Variants in FARS2 observed in about 807,000 individuals in gnomAD.
FARS2 encodes phenylalanyl-tRNA synthetase 2, mitochondrial.
FARS2 carries 40 observed loss-of-function variants against 46.4 expected under a neutral mutation model. That is an observed-to-expected ratio of 0.86 (90% CI 0.67 to 1.12). The LOEUF (loss-of-function observed/expected upper bound fraction) is 1.12, where lower values mean the gene tolerates loss of function less well. FARS2 is among the 50% of genes most tolerant of loss of function. The probability of loss-of-function intolerance (pLI) is 0.00; values close to 1 mark genes in which losing one functional copy is unlikely to be tolerated. For missense variants in FARS2, 513 were observed against 567.9 expected, an observed-to-expected ratio of 0.90 and a Z score of 0.98; for synonymous variants, 234 against 214.9, an observed-to-expected ratio of 1.09 and a Z score of -0.78.
At chr6:5,460,546 T>C (rs1765185639) in intron 4 of FARS2, among the ~76,000 whole-genome samples, 1 of 151,950 alleles carries the variant, frequency 6.6e-6, no homozygotes, top group African/African-American at 2.4e-5. Context: ...CTGCCAGGGG[T>C]GTTGCTTTAT....
chr6:5,418,608 A>G (rs958692836), intron 3 of FARS2, among the ~76,000 whole-genome samples: 3 of 152,182 alleles, frequency 2.0e-5, no homozygotes, highest in Admixed American at 2.0e-4. Context: ...AGATTTTTCA[A>G]CACACATGAT....
intron 1 of FARS2, among the ~76,000 whole-genome samples, chr6:5,267,892 A>G (rs1211437764): frequency 6.6e-6 from 1 of 151,962 alleles, no homozygotes; most frequent in Non-Finnish European, 1.5e-5. Context: ...AATGATCGCC[A>G]TTCTAACTGG....
intron 4 of FARS2, among the ~76,000 whole-genome samples, chr6:5,432,866 A>G (rs111422394): frequency 7.9e-5 from 12 of 152,300 alleles, no homozygotes; most frequent in African/African-American, 1.9e-4. Context: ...GACAGGGTGC[A>G]TGAAGTGCAG....
At chr6:5,671,420 G>A (rs74572098) in intron 6 of FARS2, among the ~76,000 whole-genome samples, 2,023 of 152,300 alleles carry the variant, frequency 0.013, 44 homozygotes, top group African/African-American at 0.046. Context: ...AAGTCTCAGC[G>A]TTGAGCTGGG....
At position 5,464,879 on chromosome 6, in the gene FARS2, A is replaced by G. The variant is rs1765430110; in HGVS notation, c.904+33707A>G. ...TCTTAACATGAAAATAACAAAATGA[A>G]CATCTTTCTACAAAGAGGATGAATT... On this transcript the variant is annotated intron_variant, in intron 4 of 6. Coordinates refer to ENST00000274680, the MANE Select transcript of FARS2 (RefSeq NM_006567.5). Among the ~76,000 whole-genome samples, 3 of 152,214 alleles carry G rather than the reference A, an allele frequency of 2.0e-5. 1 individual carries two copies. In the South Asian group the frequency reaches 6.2e-4, roughly 32 times the overall value.
chr6:5,641,967 A>G (rs1776842995), intron 6 of FARS2, among the ~76,000 whole-genome samples: 1 of 152,198 alleles, frequency 6.6e-6, no homozygotes, highest in Non-Finnish European at 1.5e-5. Flanking sequence ...CCCTCTCACT[A>G]GACTGTTAAC....
intron 6 of FARS2, among the ~76,000 whole-genome samples, chr6:5,748,944 G>A (rs1390479209): frequency 1.3e-5 from 2 of 152,320 alleles, no homozygotes; most frequent in East Asian, 1.9e-4. Flanking sequence ...GTACAGACAG[G>A]AATCAGGCGA....
At chr6:5,341,391 C>T (rs1194479055) in intron 1 of FARS2, among the ~76,000 whole-genome samples, 1 of 149,534 alleles carries the variant, frequency 6.7e-6, no homozygotes, top group African/African-American at 2.4e-5. Flanking sequence ...AAAACATCAA[C>T]AGGCCCCTAA....
chr6:5,539,001 C>T (rs146746524), intron 4 of FARS2, among the ~76,000 whole-genome samples: 21 of 152,052 alleles, frequency 1.4e-4, no homozygotes, highest in Non-Finnish European at 2.2e-4. Flanking sequence ...TTTATGTGCC[C>T]GCGGGAATGA....
intron 1 of FARS2, among the ~76,000 whole-genome samples, chr6:5,304,033 G>A (rs1768517709): frequency 6.6e-6 from 1 of 152,070 alleles, no homozygotes; most frequent in East Asian, 1.9e-4. Context: ...AGGCTGCATG[G>A]TCTGGTGTGG....
intron 4 of FARS2, among the ~76,000 whole-genome samples, chr6:5,432,494 T>C (rs1174254099): frequency 7.9e-6 from 1 of 126,614 alleles, no homozygotes; most frequent in East Asian, 2.1e-4. Flanking sequence ...ATATATATTA[T>C]ATATATTTTT....
At chr6:5,331,991 G>A (rs1024483652) in intron 1 of FARS2, among the ~76,000 whole-genome samples, 4 of 152,016 alleles carry the variant, frequency 2.6e-5, no homozygotes, top group Non-Finnish European at 4.4e-5. Flanking sequence ...TAGTAGTCAC[G>A]GTAAATATGT....
intron 4 of FARS2, chr6:5,452,846 A>T (rs374786): frequency 0.66 from 100,136 of 151,970 alleles, 34,549 homozygotes; most frequent in East Asian, 0.91. Flanking sequence ...GGGCAAGTAG[A>T]ACTGACGGGA....
chr6:5,461,229 A>G (rs1582175492), intron 4 of FARS2, among the ~76,000 whole-genome samples: 1 of 152,104 alleles, frequency 6.6e-6, no homozygotes, highest in South Asian at 2.1e-4. Context: ...TAATAGAGAC[A>G]AAGTTTCACT....
chr6:5,482,559 G>A (rs74771425), intron 4 of FARS2, among the ~76,000 whole-genome samples: 2,375 of 152,266 alleles, frequency 0.016, 30 homozygotes, highest in Middle Eastern at 0.034. Context: ...TTGAACACTC[G>A]AATGCCAGGT....
chr6:5,674,870 A>G (rs1778676978), intron 6 of FARS2, among the ~76,000 whole-genome samples: 1 of 152,176 alleles, frequency 6.6e-6, no homozygotes, highest in African/African-American at 2.4e-5. Context: ...TGCCTGGTCT[A>G]GTTCCTTCAT....
At chr6:5,583,387 G>A (rs1773443177) in intron 5 of FARS2, among the ~76,000 whole-genome samples, 1 of 152,174 alleles carries the variant, frequency 6.6e-6, no homozygotes, top group Admixed American at 6.5e-5. Flanking sequence ...ATGCTTAAGT[G>A]TTCTCTGCTG....
At chr6:5,255,484 T>A in the FARS2 span, among the ~76,000 whole-genome samples, 48 of 143,174 alleles carry the variant, frequency 3.4e-4, no homozygotes, top group Non-Finnish European at 7.5e-5. Context: ...CACTTTAAAA[T>A]AGGTGTTTTT....
chr6:5,410,254 C>T (rs550158869), intron 3 of FARS2, among the ~76,000 whole-genome samples: 5 of 150,944 alleles, frequency 3.3e-5, no homozygotes, highest in Admixed American at 1.3e-4. Flanking sequence ...CCTGGGTTCC[C>T]GCGATTCTCA....
Sources: allele counts gnomAD v4.1 joint callset (sites outside exome capture counted in the v4.1 genomes callset), GRCh38; gene constraint gnomAD v4.1.1; transcripts MANE v1.5; gene names NCBI Gene and HGNC (gene_info 2026-07-23, HGNC 2026-07-21).